ZNF473: variants seen among roughly 807,000 people sequenced by gnomAD.
ZNF473 encodes the protein zinc finger protein 473.
A neutral mutation model predicts 11.1 loss-of-function variants in ZNF473; 4 were observed. That is an observed-to-expected ratio of 0.36 (90% CI 0.18 to 0.82). The LOEUF (loss-of-function observed/expected upper bound fraction) is 0.82, where lower values mean the gene tolerates loss of function less well. Ranked by LOEUF, ZNF473 falls within the 40% of genes least tolerant of loss-of-function variation. The probability of loss-of-function intolerance (pLI) is 0.49; values close to 1 mark genes in which losing one functional copy is unlikely to be tolerated. For missense variants in ZNF473, 854 were observed against 1,084.0 expected (o/e 0.79, Z 2.98); for synonymous variants, 404 against 390.4 (o/e 1.03, Z -0.41).
In ZNF473 at chr19:50,039,347, C is replaced by A. The variant is rs553015924; in HGVS notation, c.136+60C>A. On this transcript the variant is annotated intron_variant, in intron 3 of 4. Transcript: ENST00000270617. This position sits in a 1 kb window ranked among gnomAD's most constrained non-coding sequence, Gnocchi z 4.8. ...GCCCTGCTTGGTGATCACCCATGCT[C>A]TCTACCACCCACAGGGTGAAGTCCT... 3.1e-6 allele frequency: 5 copies of A among 1,598,562 alleles called. No individual in the cohort carries two copies. The highest frequency in any genetic ancestry group is 4.3e-6 in the Non-Finnish European group (5 of 1,169,622).
At chr19:50,036,802 C>T (rs1181231586) in intron 2 of ZNF473, among the ~76,000 whole-genome samples, 1 of 152,164 alleles carries the variant, frequency 6.6e-6, no homozygotes, top group Non-Finnish European at 1.5e-5. Context: ...TGTAGAGTCT[C>T]CACCAGCAGG....
Position 50,046,776 on chromosome 19 carries a change from G to A in ZNF473, c.2333G>A (p.Arg778Lys). ...AGCTCATGCCTTTCTATTCACCGGA[G>A]AGTTCACACTGGGGAGAAGCCCTAC... ...TQSSCLSIHRRVHTGEKPYRC... is the reference protein window; with the variant it reads ...TQSSCLSIHRKVHTGEKPYRC... Residue 778 changes from arginine to lysine, a missense_variant, in exon 5 of 5, where the codon AGA becomes AAA. By Grantham distance (26) the Arg-to-Lys change is conservative (BLOSUM62 2). Coordinates refer to ENST00000270617, the MANE Select transcript of ZNF473 (RefSeq NM_015428.4). This position sits in a 1 kb window ranked among gnomAD's most constrained non-coding sequence, Gnocchi z 5.9. The A allele has an allele frequency of 6.2e-7, 1 of 1,614,214 alleles. No individual in the cohort carries two copies.
At position 50,045,988 on chromosome 19, in the gene ZNF473, T is replaced by C. The variant is rs1568411728; in HGVS notation, c.1545T>C (p.Tyr515=). ...HQKMHTVKTP[Y]ECQECGERFI... ...AAATGCACACTGTCAAAACCCCATATGAATGTCAGGAGTGCGGAGAACGCT... is the reference window on the plus strand; with the variant it reads ...AAATGCACACTGTCAAAACCCCATACGAATGTCAGGAGTGCGGAGAACGCT... The change falls in exon 5 of 5, where the codon TAT becomes TAC. Residue 515 remains tyrosine (Y), a synonymous_variant. Transcript: ENST00000270617. The C allele has an allele frequency of 6.2e-7, 1 of 1,614,166 alleles. No individual in the cohort carries two copies. Among genetic ancestry groups the C allele is most frequent in the Non-Finnish European group, 8.5e-7 (1 of 1,180,030 alleles).
In ZNF473 at chr19:50,045,794, C is replaced by T. The variant is rs374119393; in HGVS notation, c.1351C>T (p.Arg451Ter). The change falls in exon 5 of 5, where the codon CGA (arginine) becomes TGA (stop). Residue 451 changes from arginine to a stop codon, truncating the protein, a stop_gained. Coordinates refer to ENST00000270617, the MANE Select transcript of ZNF473 (RefSeq NM_015428.4). LOFTEE classifies it low-confidence loss of function (END_TRUNC). ...GCACACTCACCTTAATGAACATCGG[C>T]GAATTCATACAGGCTACAGACCCCA... is the stretch of plus-strand genomic sequence containing the variant. The part of the protein sequence containing the change: ...HRHTHLNEHR[R>*]IHTGYRPHKC... 4 of 1,613,900 alleles carry T rather than the reference C, an allele frequency of 2.5e-6. No individual in the cohort carries two copies. Among genetic ancestry groups the T allele is most frequent in the African/African-American group, 1.3e-5 (1 of 74,876 alleles).
At chr19:50,026,696 C>T (rs963822198) in intron 1 of ZNF473, among the ~76,000 whole-genome samples, 1 of 151,360 alleles carries the variant, frequency 6.6e-6, no homozygotes. Context: ...GAAAAATTAG[C>T]CGGGCGTGGT....
chr19:50,039,381 G>T lies in ZNF473; in HGVS notation c.136+94G>T. ...CCACAGGGTGAAGTCCTGGCTCCTG[G>T]GCTCCTCAGAATCAGCATGACCTAG... On this transcript the variant is annotated intron_variant, in intron 3 of 4. Transcript: ENST00000270617. The surrounding 1 kb of genome is among the most constrained non-coding windows in gnomAD (Gnocchi z 4.8). 2 of 1,523,778 alleles carry T rather than the reference G, an allele frequency of 1.3e-6. No homozygotes were observed. Among genetic ancestry groups the T allele is most frequent in the Admixed American group, 1.9e-5 (1 of 52,550 alleles). The allele number at this position is 1,523,778 out of a possible 1,614,324, so 94.4% of individuals were successfully genotyped here.
chr19:50,046,646 T>C lies in ZNF473; in HGVS notation c.2203T>C (p.Cys735Arg). ...TGAGAAGCCCTATGTATGTGATTAC[T>C]GCGGGAAGGCCTTCGGCCTGAGTGC... Reference protein sequence around the residue: ...SGEKPYVCDYCGKAFGLSAEL... With the variant: ...SGEKPYVCDYRGKAFGLSAEL... Residue 735 changes from cysteine (C) to arginine (R), a missense_variant, in exon 5 of 5, where the codon TGC (cysteine) becomes CGC (arginine). By Grantham distance (180) the Cys-to-Arg change is radical. This residue lies in a region of ZNF473 where 186 missense variants were observed against 293.8 expected (regional missense o/e 0.63). Transcript: ENST00000270617. The surrounding 1 kb of genome is among the most constrained non-coding windows in gnomAD (Gnocchi z 5.9). 6.2e-7 allele frequency: 1 copy of C among 1,614,244 alleles called. No individual in the cohort carries two copies. Among genetic ancestry groups the C allele is most frequent in the Non-Finnish European group, 8.5e-7 (1 of 1,180,038 alleles).
In ZNF473 at chr19:50,047,021, C is replaced by T. The variant is rs1214622096; in HGVS notation, c.2578C>T (p.His860Tyr). Residue 860 changes from histidine (H) to tyrosine (Y), a missense_variant, in exon 5 of 5, where the codon CAT becomes TAT. This residue lies in a region of ZNF473 where 186 missense variants were observed against 293.8 expected (regional missense o/e 0.63). Transcript: ENST00000270617. ...AFRCHSSLSR[H>Y]QRVHNKQQYC... ...TCGGTGCCACTCGAGCCTCAGCCGC[C>T]ATCAGCGTGTACACAACAAGCAGCA... The T allele has an allele frequency of 6.2e-7, 1 of 1,613,738 alleles. No individual in the cohort carries two copies. The highest frequency in any genetic ancestry group is 8.5e-7 in the Non-Finnish European group (1 of 1,180,024).
intron 2 of ZNF473, among the ~76,000 whole-genome samples, chr19:50,037,519 A>G (rs1335232924): frequency 6.6e-6 from 1 of 152,006 alleles, no homozygotes; most frequent in Non-Finnish European, 1.5e-5. Context: ...TTGAATTTTT[A>G]TCCTAAACAT....
Position 50,030,886 on chromosome 19 carries a change from C to T in ZNF473, c.-191-6C>T. 1.4e-6 allele frequency: 1 copy of T among 714,150 alleles called. No homozygotes were observed. Among genetic ancestry groups the T allele is most frequent in the Non-Finnish European group, 2.4e-6 (1 of 412,496 alleles). 44.2% of individuals were successfully genotyped at this position (714,150 alleles called of 1,614,324 possible). A position where few individuals can be genotyped will look rare whatever the true frequency, so the allele number is the denominator to read the frequency against. ...CAGTAAATATAGTTGTTGTTGTCCC[C>T]TGCAGGGAGACTCACATTGGGACTT... On this transcript the variant is annotated splice_polypyrimidine_tract_variant and splice_region_variant and intron_variant, in intron 1 of 4. Coordinates refer to ENST00000270617, the MANE Select transcript of ZNF473 (RefSeq NM_015428.4).
rs1352359460 is a variant in ZNF473, at chr19:50,044,804, T to C, written c.361T>C (p.Trp121Arg). The C allele has an allele frequency of 1.2e-6, 2 of 1,614,084 alleles. No homozygotes were observed. Among genetic ancestry groups the C allele is most frequent in the African/African-American group, 2.7e-5 (2 of 74,928 alleles). ...CGGAGAAGCCTGTATAGAGGACACCTGGTTAGATAGTTTGCTAGGCGATCC... is the reference window on the plus strand; with the variant it reads ...CGGAGAAGCCTGTATAGAGGACACCCGGTTAGATAGTTTGCTAGGCGATCC... ...NFGEACIEDTWLDSLLGDPES... is the reference protein window; with the variant it reads ...NFGEACIEDTRLDSLLGDPES... Residue 121 changes from tryptophan to arginine, a missense_variant, in exon 5 of 5, where the codon TGG becomes CGG. Physicochemically the swap from Trp to Arg is moderately radical, Grantham distance 101 (BLOSUM62 -3). Around this residue, in one of 2 missense-constraint regions of ZNF473, gnomAD observed 668 missense variants for 790.2 expected, o/e 0.85. Transcript: ENST00000270617.
In ZNF473 at chr19:50,047,296, A is replaced by G. The variant is rs1159537374; in HGVS notation, c.*237A>G. 4.2e-6 allele frequency: 2 copies of G among 470,954 alleles called. No individual in the cohort carries two copies. The highest frequency in any genetic ancestry group is 3.5e-5 in the Admixed American group (1 of 28,720). 29.2% of individuals were successfully genotyped at this position (470,954 alleles called of 1,614,324 possible). A position where few individuals can be genotyped will look rare whatever the true frequency, so the allele number is the denominator to read the frequency against. ...CCTTGAGTTAAATCCCACCTCTGCC[A>G]TCTACTACCTAAGTGACCTTGGGAA... On this transcript the variant is annotated 3_prime_UTR_variant, in exon 5 of 5. Transcript: ENST00000270617.
chr19:50,040,911 C>G (rs1978731099), intron 3 of ZNF473, among the ~76,000 whole-genome samples: 1 of 152,212 alleles, frequency 6.6e-6, no homozygotes, highest in South Asian at 2.1e-4. Flanking sequence ...AACTACAGCC[C>G]ACAGTAAGAA....
Position 50,045,830 on chromosome 19 carries a change from G to A in ZNF473, c.1387G>A (p.Glu463Lys). 1.2e-6 allele frequency: 2 copies of A among 1,614,008 alleles called. No homozygotes were observed. The highest frequency in any genetic ancestry group is 4.5e-5 in the East Asian group (2 of 44,876). ...AGGCTACAGACCCCACAAATGTCAG[G>A]AATGCGTCAGGAGTTTCAGCCGGCC... ...HTGYRPHKCQ[E>K]CVRSFSRPSH... Residue 463 changes from glutamate (E) to lysine (K), a missense_variant, in exon 5 of 5, where the codon GAA becomes AAA. Coordinates refer to ENST00000270617, the MANE Select transcript of ZNF473 (RefSeq NM_015428.4).
intron 3 of ZNF473, chr19:50,041,093 AG>A (rs1390001478): frequency 6.6e-6 from 1 of 152,208 alleles, no homozygotes; most frequent in Non-Finnish European, 1.5e-5. Flanking sequence ...GCTGGGCTGG[AG>A]GCGAGGTGTT....
rs751859384 is a variant in ZNF473, at chr19:50,047,066, G to A, written c.*7G>A. 2 of 1,596,090 alleles carry A rather than the reference G, an allele frequency of 1.3e-6. No homozygotes were observed. Among genetic ancestry groups the A allele is most frequent in the East Asian group, 2.2e-5 (1 of 44,488 alleles). On this transcript the variant is annotated 3_prime_UTR_variant, in exon 5 of 5. Coordinates refer to ENST00000270617, the MANE Select transcript of ZNF473 (RefSeq NM_015428.4). ...GCAGCAATACTGCCTGTAGCCATTG[G>A]GTGGCAGCAGAGTCCCAGAATATGA...
chr19:50,029,267 T>C (rs12460419), intron 1 of ZNF473, among the ~76,000 whole-genome samples: 59,803 of 152,078 alleles, frequency 0.39, 12,986 homozygotes, highest in East Asian at 0.75. Flanking sequence ...CTCAGCCTCC[T>C]GAGTAACTGG....
intron 2 of ZNF473, among the ~76,000 whole-genome samples, chr19:50,037,590 G>T (rs976375051): frequency 2.0e-5 from 3 of 151,844 alleles, no homozygotes; most frequent in Non-Finnish European, 4.4e-5. Flanking sequence ...GGAGGCAGGG[G>T]CAGGAGAATC....
intron 3 of ZNF473, 164 bp from the exon 4 acceptor site, chr19:50,041,566 A>G: frequency 2.0e-6 from 1 of 498,620 alleles, no homozygotes; most frequent in South Asian, 3.1e-5. Flanking sequence ...GGAACCCTAC[A>G]GGACAGGCAT....
Sources: gnomAD v4.1 joint callset for allele counts (sites outside exome capture counted in the v4.1 genomes callset) on GRCh38, gnomAD v4.1.1 for gene constraint, gnomAD v4.1.1 regional missense constraint, Gnocchi (gnomAD v3.1) non-coding constraint, MANE v1.5 for transcripts, NCBI Gene and HGNC (gene_info 2026-07-23, HGNC 2026-07-21) for gene names.